Variants in ERG observed in about 807,000 individuals in gnomAD.
ERG encodes transcriptional regulator ERG.
In ERG, 9 loss-of-function variants were observed where a neutral mutation model predicts 55.3. The ratio of observed to expected loss-of-function variants is 0.16; its 90% confidence interval spans 0.10 to 0.28. The LOEUF is 0.28. ERG is among the 10% of genes least tolerant of loss of function. The probability of loss-of-function intolerance (pLI) is 1.00; values close to 1 mark genes in which losing one functional copy is unlikely to be tolerated. For missense variants in ERG, 434 were observed against 631.6 expected, an observed-to-expected ratio of 0.69 and a Z score of 3.35; for synonymous variants, 223 against 237.3, an observed-to-expected ratio of 0.94 and a Z score of 0.55.
At chr21:38,603,475 T>A (rs2060177032) in intron 1 of ERG, among the ~76,000 whole-genome samples, 1 of 151,972 alleles carries the variant, frequency 6.6e-6, no homozygotes, top group Admixed American at 6.6e-5. Context: ...AAAAATTAGC[T>A]AGGCGTGGTG....
intron 1 of ERG, among the ~76,000 whole-genome samples, chr21:38,488,536 T>C (rs2059307853): frequency 6.6e-6 from 1 of 152,192 alleles, no homozygotes; most frequent in African/African-American, 2.4e-5. Flanking sequence ...CACTGTGGTT[T>C]TATTTGCTTC....
intron 1 of ERG, among the ~76,000 whole-genome samples, chr21:38,456,679 TAGAA>T (rs1259967330): frequency 3.9e-5 from 6 of 152,200 alleles, no homozygotes; most frequent in East Asian, 1.9e-4. Flanking sequence ...CTGACTTACG[TAGAA>T]AGAGTTAGTC....
chr21:38,499,779 A>G (rs2146695791), upstream of ERG, among the ~76,000 whole-genome samples: 1 of 150,370 alleles, frequency 6.7e-6, no homozygotes. Flanking sequence ...AGAGGGCGAG[A>G]AAAAATGGAG....
intron 1 of ERG, chr21:38,451,318 C>G (rs575269448): frequency 3.7e-5 from 16 of 428,300 alleles, no homozygotes; most frequent in African/African-American, 3.1e-4. Flanking sequence ...GCCCTGCATA[C>G]AGTTAATCAT....
chr21:38,427,242 T>C (rs1010348427), intron 2 of ERG, among the ~76,000 whole-genome samples: 4 of 152,002 alleles, frequency 2.6e-5, no homozygotes, highest in Non-Finnish European at 1.5e-5. Flanking sequence ...GCCTGGCTGA[T>C]TTTTGTATTT....
At chr21:38,396,322 T>G (rs898311815) in intron 6 of ERG, among the ~76,000 whole-genome samples, 1 of 152,264 alleles carries the variant, frequency 6.6e-6, no homozygotes, top group Non-Finnish European at 1.5e-5. Flanking sequence ...CCTGTGGTTA[T>G]ATAAGAACTA....
chr21:38,638,104 C>T (rs1046606260), intron 1 of ERG, among the ~76,000 whole-genome samples: 3 of 152,120 alleles, frequency 2.0e-5, no homozygotes, highest in Admixed American at 6.5e-5. Flanking sequence ...GGTAGGGGGG[C>T]CTGGTTTGTG....
chr21:38,570,029 CA>C (rs2059947926), intron 2 of ERG, among the ~76,000 whole-genome samples: 2 of 152,242 alleles, frequency 1.3e-5, no homozygotes, highest in Admixed American at 1.3e-4. Context: ...TTTGCTCATA[CA>C]TACCTCCTGG....
intron 2 of ERG, among the ~76,000 whole-genome samples, chr21:38,522,669 T>C (rs1336418938): frequency 6.6e-6 from 1 of 152,234 alleles, no homozygotes; most frequent in African/African-American, 2.4e-5. Context: ...GCTGTTCCTA[T>C]GACAGTATGA....
At chr21:38,477,006 CCTT>C (rs1221657831) in intron 1 of ERG, among the ~76,000 whole-genome samples, 5 of 117,170 alleles carry the variant, frequency 4.3e-5, no homozygotes, top group African/African-American at 1.2e-4. Flanking sequence ...TTCTTTCTTT[CCTT>C]TTTTTTTTTT....
At position 38,429,721 on chromosome 21, in the gene ERG, CTA is replaced by C. The variant is rs557957587; in HGVS notation, c.237-6162_237-6161del. Among the ~76,000 whole-genome samples, 415 of 114,284 alleles carry C rather than the reference CTA, an allele frequency of 3.6e-3. 46 individuals carry two copies. The highest frequency in any genetic ancestry group is 0.015 in the African/African-American group (326 of 21,814). 75.0% of individuals were successfully genotyped at this position (114,284 alleles called of 152,430 possible). A position where few individuals can be genotyped will look rare whatever the true frequency, so the allele number is the denominator to read the frequency against. On this transcript the variant is annotated intron_variant, in intron 2 of 9. Transcript: ENST00000288319. Reference sequence around the variant, plus strand: ...CATGTATATGTGTGTGCATATATGTCTATATATATGTGTGTATATATATATAC... The same window carrying C: ...CATGTATATGTGTGTGCATATATGTCTATATATGTGTGTATATATATATAC...
At chr21:38,617,988 G>A (rs2060268399) in intron 1 of ERG, among the ~76,000 whole-genome samples, 1 of 152,190 alleles carries the variant, frequency 6.6e-6, no homozygotes, top group Non-Finnish European at 1.5e-5. Context: ...GCACCTGGCA[G>A]GACGAGGCTT....
the ERG span, among the ~76,000 whole-genome samples, chr21:38,372,863 C>G: frequency 6.6e-6 from 1 of 151,356 alleles, no homozygotes; most frequent in African/African-American, 2.4e-5. Flanking sequence ...GCTCACACAA[C>G]TATATTAAAA....
chr21:38,382,716 A>G lies in ERG; in HGVS notation c.*687T>C. The G allele has an allele frequency of 9.4e-7, 1 of 1,066,748 alleles. No individual in the cohort carries two copies. The highest frequency in any genetic ancestry group is 1.1e-6 in the Non-Finnish European group (1 of 879,908). 66.1% of individuals were successfully genotyped at this position (1,066,748 alleles called of 1,614,324 possible). A position where few individuals can be genotyped will look rare whatever the true frequency, so the allele number is the denominator to read the frequency against. On this transcript the variant is annotated 3_prime_UTR_variant, in exon 10 of 10. Transcript: ENST00000288319. ...CTCCTTCTTCACCCCTCTGTCTACA[A>G]TCACACGCTCACTCTATACACATCC... is the stretch of plus-strand genomic sequence containing the variant.
chr21:38,424,829 G>A (rs1477251812), intron 2 of ERG, among the ~76,000 whole-genome samples: 1 of 152,132 alleles, frequency 6.6e-6, no homozygotes, highest in Non-Finnish European at 1.5e-5. Context: ...AGGCCTCATG[G>A]GGAGTGGACT....
chr21:38,655,368 T>C (rs770098586), intron 1 of ERG, among the ~76,000 whole-genome samples: 2 of 152,196 alleles, frequency 1.3e-5, no homozygotes, highest in Non-Finnish European at 2.9e-5. Flanking sequence ...CCCGTGTTTC[T>C]GAAATTCCTG....
intron 2 of ERG, among the ~76,000 whole-genome samples, chr21:38,535,651 T>C (rs1265260814): frequency 6.6e-6 from 1 of 152,262 alleles, no homozygotes; most frequent in Admixed American, 6.5e-5. Flanking sequence ...GTACCCTATA[T>C]TTAAAGCCTT....
At chr21:38,615,816 C>T (rs571022114) in intron 1 of ERG, among the ~76,000 whole-genome samples, 1 of 151,928 alleles carries the variant, frequency 6.6e-6, no homozygotes, top group Non-Finnish European at 1.5e-5. Flanking sequence ...CAGTCAACTT[C>T]AAGCTACCAA....
intron 1 of ERG, among the ~76,000 whole-genome samples, chr21:38,456,940 C>T (rs1306136982): frequency 2.6e-5 from 4 of 152,226 alleles, no homozygotes; most frequent in Admixed American, 1.3e-4. Context: ...TAGACCCCGT[C>T]CTGGTAACAC....
Sources: allele counts gnomAD v4.1 joint callset (sites outside exome capture counted in the v4.1 genomes callset), GRCh38; gene constraint gnomAD v4.1.1; transcripts MANE v1.5; gene names NCBI Gene and HGNC (gene_info 2026-07-23, HGNC 2026-07-21).